Variants in ATXN2 observed in about 807,000 individuals in gnomAD.
ATXN2 encodes ataxin-2.
Under a neutral mutation model 138.6 loss-of-function variants are expected in ATXN2, and 37 were observed. The observed-to-expected ratio is 0.27, with a 90% confidence interval of 0.21 to 0.35. The LOEUF (loss-of-function observed/expected upper bound fraction) is 0.35. Ranked by LOEUF, ATXN2 falls within the 10% of genes least tolerant of loss-of-function variation. The pLI, the probability that ATXN2 is intolerant of heterozygous loss-of-function variation, is 1.00. For synonymous variants in ATXN2, 549 were observed against 543.7 expected, an observed-to-expected ratio of 1.01 and a Z score of -0.13; for missense variants, 1,216 against 1,480.3, an observed-to-expected ratio of 0.82 and a Z score of 2.93.
chr12:111,481,256 G>C (rs1877214298), intron 18 of ATXN2, among the ~76,000 whole-genome samples: 1 of 152,136 alleles, frequency 6.6e-6, no homozygotes, highest in Non-Finnish European at 1.5e-5. Context: ...ACCAGCCTGG[G>C]AAGCACGGAG....
chr12:111,487,108 C>T (rs1877695261), intron 15 of ATXN2, among the ~76,000 whole-genome samples: 1 of 152,016 alleles, frequency 6.6e-6, no homozygotes, highest in African/African-American at 2.4e-5. Flanking sequence ...TCACAGAGTC[C>T]CACTCTGTTG....
Position 111,453,822 on chromosome 12 carries a change from A to G in ATXN2, c.3294T>C (p.Val1098=). Residue 1098 remains valine, a synonymous_variant, in exon 24 of 25, where the codon GTT becomes GTC. Transcript: ENST00000673436. The surrounding 1 kb of genome is among the most constrained non-coding windows in gnomAD (Gnocchi z 5.4). The part of the protein sequence containing the change: ...VPQAHVQSGM[V]PSHPTAHAPM... ...GCGCATGGGCAGTTGGATGAGAAGGAACCATTCCTGACTGTACATGAGCCT... is the reference window on the plus strand; with the variant it reads ...GCGCATGGGCAGTTGGATGAGAAGGGACCATTCCTGACTGTACATGAGCCT... 1 of 1,613,644 alleles carries G rather than the reference A, an allele frequency of 6.2e-7. No homozygotes were observed. Among genetic ancestry groups the G allele is most frequent in the Non-Finnish European group, 8.5e-7 (1 of 1,179,746 alleles).
chr12:111,561,140 G>A (rs895995059), intron 1 of ATXN2, among the ~76,000 whole-genome samples: 1 of 151,588 alleles, frequency 6.6e-6, no homozygotes, highest in African/African-American at 2.4e-5. Flanking sequence ...AGCCGAGATT[G>A]TGCCACTGCA....
chr12:111,477,430 G>A (rs1197920391), intron 18 of ATXN2, among the ~76,000 whole-genome samples: 2 of 151,958 alleles, frequency 1.3e-5, no homozygotes, highest in African/African-American at 4.8e-5. Flanking sequence ...TATTTATGGT[G>A]GAGAAAATGA....
At chr12:111,582,798 A>G (rs1490191804) in intron 1 of ATXN2, among the ~76,000 whole-genome samples, 1 of 151,336 alleles carries the variant, frequency 6.6e-6, no homozygotes, top group Non-Finnish European at 1.5e-5. Flanking sequence ...CCTCCCAAGT[A>G]GCTGGGATTA....
intron 18 of ATXN2, among the ~76,000 whole-genome samples, chr12:111,483,483 C>G (rs1401694815): frequency 9.1e-6 from 1 of 110,386 alleles, no homozygotes; most frequent in Non-Finnish European, 1.7e-5. Flanking sequence ...TGGACGGAGT[C>G]TCGCTCTGTC....
chr12:111,503,510 T>C (rs946675417), intron 14 of ATXN2, among the ~76,000 whole-genome samples: 1 of 152,072 alleles, frequency 6.6e-6, no homozygotes, highest in African/African-American at 2.4e-5. Context: ...GAGAATAACA[T>C]TATATTATCT....
chr12:111,524,138 A>T (rs532891641), intron 6 of ATXN2, among the ~76,000 whole-genome samples: 1 of 152,312 alleles, frequency 6.6e-6, no homozygotes, highest in South Asian at 2.1e-4. Context: ...TGATGTACAG[A>T]CTTGAGAACC....
Position 111,513,457 on chromosome 12 carries a change from G to A in ATXN2, c.1458C>T (p.Gly486=). ...VSAGRGSISS[G]LEFVSHNPPS... ...GTGGGTTGTGGGATACAAATTCTAG[G>A]CCACTGGATATGGAACCCCTCCCAG... Residue 486 remains glycine, a synonymous_variant, in exon 11 of 25, where the codon GGC becomes GGT. Coordinates refer to ENST00000673436, the MANE Select transcript of ATXN2 (RefSeq NM_001372574.1). The A allele has an allele frequency of 6.2e-7, 1 of 1,613,970 alleles. No individual in the cohort carries two copies. The highest frequency in any genetic ancestry group is 8.5e-7 in the Non-Finnish European group (1 of 1,180,000).
intron 19 of ATXN2, among the ~76,000 whole-genome samples, 157 bp from the exon 20 acceptor site, chr12:111,470,397 C>G (rs999651799): frequency 2.0e-5 from 3 of 152,308 alleles, no homozygotes. Context: ...CTCTTACAAT[C>G]ATCAGTAACC....
intron 5 of ATXN2, among the ~76,000 whole-genome samples, chr12:111,544,968 G>C (rs1449970715): frequency 3.3e-5 from 5 of 152,034 alleles, no homozygotes; most frequent in African/African-American, 1.2e-4. Context: ...GACCATCCTA[G>C]CTAACACGGT....
intron 14 of ATXN2, among the ~76,000 whole-genome samples, chr12:111,491,614 C>T (rs775200760): frequency 6.6e-6 from 1 of 152,220 alleles, no homozygotes; most frequent in Admixed American, 6.5e-5. Context: ...TAGGCCATAG[C>T]TCCCAGATGA....
At chr12:111,465,823 T>C (rs372319951) in intron 20 of ATXN2, among the ~76,000 whole-genome samples, 180 of 124,416 alleles carry the variant, frequency 1.4e-3, no homozygotes, top group African/African-American at 5.1e-3. Context: ...AAAATTAAAG[T>C]AACTTCTTAG....
At chr12:111,479,113 T>C in intron 18 of ATXN2, 1 of 392,318 alleles carries the variant, frequency 2.5e-6, no homozygotes, top group Non-Finnish European at 4.5e-6. Context: ...CTAAAAGAAA[T>C]AAAAACACAA....
At chr12:111,572,777 T>G (rs1323604787) in intron 1 of ATXN2, among the ~76,000 whole-genome samples, 4 of 152,164 alleles carry the variant, frequency 2.6e-5, no homozygotes, top group African/African-American at 9.7e-5. Flanking sequence ...TCAGTGTCCT[T>G]CTAGCCCCAG....
rs770908165 is a variant in ATXN2 at position 111,470,173 on chromosome 12, T to C, written c.2777A>G (p.Gln926Arg). ...ARMMAPPTHA[Q>R]PGLVSSSATQ... ...TGCTGAAGAAGATACTAAACCAGGC[T>C]GGGCGTGTGTTGGTGGTGCCATCAT... Residue 926 changes from glutamine (Q) to arginine (R), a missense_variant, in exon 20 of 25, where the codon CAG becomes CGG. Gln to Arg is a conservative substitution (Grantham distance 43, BLOSUM62 1). This residue lies in a region of ATXN2 where 490 missense variants were observed against 653.5 expected (regional missense o/e 0.75). Transcript: ENST00000673436. The C allele has an allele frequency of 6.2e-7, 1 of 1,614,054 alleles. No homozygotes were observed.
At chr12:111,556,019 G>A in intron 1 of ATXN2, 100 bp from the exon 2 acceptor site, 1 of 978,372 alleles carries the variant, frequency 1.0e-6, no homozygotes, top group Non-Finnish European at 1.5e-6. Flanking sequence ...TAAAGGAGAG[G>A]CTATCTGTGG....
At chr12:111,577,098 C>T (rs1441211097) in intron 1 of ATXN2, among the ~76,000 whole-genome samples, 2 of 150,946 alleles carry the variant, frequency 1.3e-5, no homozygotes, top group East Asian at 2.0e-4. Context: ...TGAGCCACTG[C>T]GCCTGGCCAC....
chr12:111,588,058 G>A (rs376135647), intron 1 of ATXN2, among the ~76,000 whole-genome samples: 15 of 151,896 alleles, frequency 9.9e-5, no homozygotes, highest in East Asian at 1.9e-4. Context: ...ACTGTGGGGC[G>A]CACCAGTAGT....
Sources: allele counts gnomAD v4.1 joint callset (sites outside exome capture counted in the v4.1 genomes callset), GRCh38; gene constraint gnomAD v4.1.1; regional missense constraint gnomAD v4.1.1; non-coding constraint Gnocchi (gnomAD v3.1); transcripts MANE v1.5; gene names NCBI Gene and HGNC (gene_info 2026-07-23, HGNC 2026-07-21).